Variants in TAPT1 observed in about 807,000 individuals in gnomAD.
The protein encoded by TAPT1 is transmembrane anterior posterior transformation protein 1 homolog.
A neutral mutation model predicts 65.6 loss-of-function variants in TAPT1; 28 were observed. The observed-to-expected ratio is 0.43, with a 90% CI of 0.32 to 0.59. TAPT1 has a LOEUF of 0.59. Among genes scored for constraint, TAPT1 ranks in the 20% least tolerant of loss-of-function variants. The pLI is 0.09. For missense variants in TAPT1, 563 were observed against 679.9 expected (o/e 0.83, Z 1.91); for synonymous variants, 278 against 245.2 (o/e 1.13, Z -1.25).
chr4:16,209,744 A>T (rs1308500510), intron 2 of TAPT1, among the ~76,000 whole-genome samples: 4 of 152,204 alleles, frequency 2.6e-5, no homozygotes, highest in African/African-American at 9.7e-5. Context: ...AAGGAATTGG[A>T]GCTTTAATAG....
chr4:16,180,029 A>G (rs1748618915), intron 7 of TAPT1, among the ~76,000 whole-genome samples: 1 of 152,228 alleles, frequency 6.6e-6, no homozygotes, highest in African/African-American at 2.4e-5. Context: ...AGAAGCAAAG[A>G]GTAAAATGAA....
chr4:16,224,278 A>C (rs1751424669), intron 1 of TAPT1, among the ~76,000 whole-genome samples: 1 of 152,162 alleles, frequency 6.6e-6, no homozygotes, highest in African/African-American at 2.4e-5. Context: ...GAGCAGGGGA[A>C]GAGGGCAGCG....
intron 1 of TAPT1, among the ~76,000 whole-genome samples, chr4:16,221,863 T>C (rs1751273827): frequency 6.6e-6 from 1 of 152,220 alleles, no homozygotes; most frequent in Non-Finnish European, 1.5e-5. Flanking sequence ...CAATTAGTAA[T>C]CAGCTTTTCT....
At position 16,163,282 on chromosome 4, in the gene TAPT1, C is replaced by A; in HGVS notation, c.*26G>T. 1.9e-6 allele frequency: 3 copies of A among 1,580,686 alleles called. No homozygotes were observed. The highest frequency in any genetic ancestry group is 2.6e-6 in the Non-Finnish European group (3 of 1,149,700). On this transcript the variant is annotated 3_prime_UTR_variant, in exon 14 of 14. Coordinates refer to ENST00000405303, the MANE Select transcript of TAPT1 (RefSeq NM_153365.3). ...CAGCACTTGTTGCCCCAGGACCCAG[C>A]TTCTTCAGCGCATGAAGCCACAGAT...
chr4:16,203,733 G>A (rs1396352618), intron 2 of TAPT1, among the ~76,000 whole-genome samples: 1 of 152,146 alleles, frequency 6.6e-6, no homozygotes. Flanking sequence ...AGAACTGCAA[G>A]ATAATAAATG....
At chr4:16,170,783 CAG>C in intron 11 of TAPT1, 54 bp from the exon 12 acceptor site, 2 of 1,358,316 alleles carry the variant, frequency 1.5e-6, no homozygotes, top group South Asian at 1.2e-5. Context: ...CACACAACCA[CAG>C]AGTTATTAGT....
At chr4:16,173,848 GATTA>G (rs1748159145) in intron 11 of TAPT1, among the ~76,000 whole-genome samples, 1 of 152,122 alleles carries the variant, frequency 6.6e-6, no homozygotes, top group Non-Finnish European at 1.5e-5. Flanking sequence ...AGAAACACTG[GATTA>G]ATTTATACTT....
At chr4:16,169,430 A>C (rs888419891) in intron 12 of TAPT1, among the ~76,000 whole-genome samples, 1 of 152,386 alleles carries the variant, frequency 6.6e-6, no homozygotes, top group Non-Finnish European at 1.5e-5. Flanking sequence ...ACACAGCACA[A>C]TGTTAAAAAC....
chr4:16,226,426 C>T lies in TAPT1; in HGVS notation c.32G>A (p.Gly11Glu), dbSNP rs1751569207. ...GTCCACGCCGCCACCGCCGCCTTCT[C>T]CCGGAGCGGCCGCGTCGCCGACGCC... is the stretch of plus-strand genomic sequence containing the variant. MAGVGDAAAP[G>E]EGGGGGVDGP... is the part of the protein sequence containing the mutation. The change falls in exon 1 of 14, where the codon GGA (glycine) becomes GAA (glutamate). Residue 11 changes from glycine to glutamate, a missense_variant. Physicochemically the swap from Gly to Glu is moderately conservative, Grantham distance 98. Transcript: ENST00000405303. 2 of 1,080,862 alleles carry T rather than the reference C, an allele frequency of 1.9e-6. No individual in the cohort carries two copies. The highest frequency in any genetic ancestry group is 2.2e-6 in the Non-Finnish European group (2 of 892,964). 67.0% of individuals were successfully genotyped at this position (1,080,862 alleles called of 1,614,324 possible).
At position 16,176,185 on chromosome 4, in the gene TAPT1, T is replaced by C; in HGVS notation, c.1041A>G (p.Ala347=). ...TTACAATATCCACGGCAATTTCTGATGCAATTACCATACAGACATCTGGAA... is the reference window on the plus strand; with the variant it reads ...TTACAATATCCACGGCAATTTCTGACGCAATTACCATACAGACATCTGGAA... The part of the protein sequence containing the change: ...VLFPDVCMVI[A]SEIAVDIVKH... Residue 347 remains alanine (A), a synonymous_variant, in exon 9 of 14, where the codon GCA becomes GCG. Coordinates refer to ENST00000405303, the MANE Select transcript of TAPT1 (RefSeq NM_153365.3). 6.3e-7 allele frequency: 1 copy of C among 1,578,708 alleles called. No individual in the cohort carries two copies. Among genetic ancestry groups the C allele is most frequent in the Non-Finnish European group, 8.6e-7 (1 of 1,161,340 alleles).
intron 12 of TAPT1, among the ~76,000 whole-genome samples, chr4:16,169,987 C>G (rs186084345): frequency 6.6e-6 from 1 of 152,206 alleles, no homozygotes; most frequent in East Asian, 1.9e-4. Flanking sequence ...ACCACCTAGG[C>G]GAGGGTGGAA....
intron 4 of TAPT1, chr4:16,190,744 T>C (rs1289176063): frequency 1.9e-5 from 3 of 154,836 alleles, no homozygotes; most frequent in African/African-American, 7.2e-5. Flanking sequence ...GTAAAGTGAA[T>C]GTATATCAGC....
chr4:16,171,024 A>C (rs1043642596), intron 11 of TAPT1, among the ~76,000 whole-genome samples: 1 of 152,218 alleles, frequency 6.6e-6, no homozygotes, highest in Non-Finnish European at 1.5e-5. Flanking sequence ...TACTTAGGTC[A>C]TGAATGTCAC....
In TAPT1 at chr4:16,182,869, T is replaced by C. The variant is rs1023428721; in HGVS notation, c.917-3212A>G. ...TCAGGCAATTCCTCCAAAGAAAATATACAGTGAGCTACCACTGAAAGGGGT... is the reference window on the plus strand; with the variant it reads ...TCAGGCAATTCCTCCAAAGAAAATACACAGTGAGCTACCACTGAAAGGGGT... On this transcript the variant is annotated intron_variant, in intron 7 of 13. Coordinates refer to ENST00000405303, the MANE Select transcript of TAPT1 (RefSeq NM_153365.3). The C allele has an allele frequency of 2.6e-5, 4 of 152,312 alleles. No individual in the cohort carries two copies. The East Asian group carries it at 5.8e-4, about 22-fold the overall frequency. The allele number at this position is 152,312 out of a possible 1,614,324, so 9.4% of individuals were successfully genotyped here.
chr4:16,199,077 C>A (rs1221985909), intron 3 of TAPT1, among the ~76,000 whole-genome samples: 1 of 152,086 alleles, frequency 6.6e-6, no homozygotes, highest in East Asian at 1.9e-4. Flanking sequence ...CTGGCCTATC[C>A]TCAAAGCATT....
intron 1 of TAPT1, among the ~76,000 whole-genome samples, chr4:16,221,471 C>T (rs938287660): frequency 6.6e-6 from 1 of 152,140 alleles, no homozygotes; most frequent in African/African-American, 2.4e-5. Context: ...CACAGAATTG[C>T]TCTGTGATCC....
chr4:16,205,237 G>A (rs1750270992), intron 2 of TAPT1, among the ~76,000 whole-genome samples: 1 of 152,184 alleles, frequency 6.6e-6, no homozygotes, highest in African/African-American at 2.4e-5. Context: ...AATGAAAGAA[G>A]CATAATGATT....
chr4:16,220,919 A>T (rs1324490383), intron 1 of TAPT1, among the ~76,000 whole-genome samples: 15 of 151,558 alleles, frequency 9.9e-5, no homozygotes, highest in Admixed American at 9.9e-4. Context: ...TTTTTTATAG[A>T]GACAGGGTTT....
intron 7 of TAPT1, among the ~76,000 whole-genome samples, chr4:16,181,059 AGAG>A (rs1295785502): frequency 1.1e-4 from 16 of 152,366 alleles, no homozygotes; most frequent in African/African-American, 3.8e-4. Flanking sequence ...TGACTTCAAA[AGAG>A]GATACAGGTT....
Sources: gnomAD v4.1 joint callset for allele counts (sites outside exome capture counted in the v4.1 genomes callset) on GRCh38, gnomAD v4.1.1 for gene constraint, MANE v1.5 for transcripts, NCBI Gene and HGNC (gene_info 2026-07-23, HGNC 2026-07-21) for gene names.